Variants in GAS2 observed in about 807,000 individuals in gnomAD.
GAS2 encodes the protein growth arrest-specific protein 2.
GAS2 carries 20 observed loss-of-function variants against 37.5 expected under a neutral mutation model. That is an observed-to-expected ratio of 0.53 (90% confidence interval 0.37 to 0.77). The LOEUF (loss-of-function observed/expected upper bound fraction) is 0.77, where lower values mean the gene tolerates loss of function less well. GAS2 is among the 30% of genes least tolerant of loss of function. GAS2 has a pLI of 0.00. For synonymous variants in GAS2, 144 were observed against 132.2 expected, an observed-to-expected ratio of 1.09 and a Z score of -0.61; for missense variants, 336 against 373.4, an observed-to-expected ratio of 0.90 and a Z score of 0.82.
chr11:22,805,931 C>G (rs1256861821), intron 7 of GAS2, among the ~76,000 whole-genome samples: 2 of 152,068 alleles, frequency 1.3e-5, no homozygotes, highest in Non-Finnish European at 2.9e-5. Flanking sequence ...AGAGGTCACT[C>G]TCATCGCCAG....
chr11:22,764,631 AAAAGT>A (rs1196512145), intron 7 of GAS2, among the ~76,000 whole-genome samples: 2 of 152,082 alleles, frequency 1.3e-5, no homozygotes, highest in African/African-American at 2.4e-5. Flanking sequence ...TACAATAATT[AAAAGT>A]AAAGACAAAA....
At chr11:22,746,148 C>T (rs1853388605) in intron 5 of GAS2, among the ~76,000 whole-genome samples, 1 of 152,106 alleles carries the variant, frequency 6.6e-6, no homozygotes, top group Non-Finnish European at 1.5e-5. Context: ...CACCACTGCA[C>T]ATCAGCCTAG....
At chr11:22,626,575 A>G (rs45522531) in intron 1 of GAS2, 3,305 of 152,808 alleles carry the variant, frequency 0.022, 51 homozygotes, top group Non-Finnish European at 0.034. Flanking sequence ...ACAAGAGAGT[A>G]GGGAGGAGAA....
At chr11:22,715,482 AAG>A (rs1554973661) in intron 3 of GAS2, among the ~76,000 whole-genome samples, 4 of 142,030 alleles carry the variant, frequency 2.8e-5, no homozygotes, top group Non-Finnish European at 4.6e-5. Context: ...AAAAAAAAAA[AAG>A]AAAAGAAAAG....
At chr11:22,782,766 CTT>C (rs34122574) in intron 7 of GAS2, among the ~76,000 whole-genome samples, 5,526 of 113,686 alleles carry the variant, frequency 0.049, 169 homozygotes, top group African/African-American at 0.12. Flanking sequence ...TGATTTTGTT[CTT>C]TTTTTTTTTT....
chr11:22,801,214 T>G (rs1301167507), intron 7 of GAS2, among the ~76,000 whole-genome samples: 1 of 152,088 alleles, frequency 6.6e-6, no homozygotes, highest in African/African-American at 2.4e-5. Flanking sequence ...AACTCCTTTC[T>G]GAAATCCTGT....
chr11:22,626,926 A>G (rs1167690716), intron 1 of GAS2: 1 of 152,154 alleles, frequency 6.6e-6, no homozygotes, highest in Admixed American at 6.5e-5. Context: ...TTATTTTGAA[A>G]CGGAGTCTCA....
intron 7 of GAS2, among the ~76,000 whole-genome samples, chr11:22,794,092 C>A (rs1178126926): frequency 1.4e-5 from 2 of 139,256 alleles, no homozygotes; most frequent in Non-Finnish European, 3.1e-5. Flanking sequence ...AGAATAAGAT[C>A]TTCACAGTAA....
At chr11:22,721,457 TA>T (rs1383632430) in intron 3 of GAS2, among the ~76,000 whole-genome samples, 1 of 152,014 alleles carries the variant, frequency 6.6e-6, no homozygotes, top group Non-Finnish European at 1.5e-5. Flanking sequence ...ACACCCAGGG[TA>T]ACTACTGGAT....
chr11:22,685,105 G>T (rs1849875236), intron 2 of GAS2, among the ~76,000 whole-genome samples: 1 of 152,038 alleles, frequency 6.6e-6, no homozygotes, highest in Admixed American at 6.6e-5. Flanking sequence ...GCTCAAAACT[G>T]CAGTGAGCTA....
intron 1 of GAS2, among the ~76,000 whole-genome samples, chr11:22,641,302 CTTTATATATA>C (rs1240798020): frequency 7.9e-4 from 8 of 10,144 alleles, no homozygotes; most frequent in Admixed American, 1.5e-3. Flanking sequence ...ATATATATAT[CTTTATATATA>C]TTTATATATC....
At chr11:22,801,856 T>C (rs1213409602) in intron 7 of GAS2, among the ~76,000 whole-genome samples, 1 of 152,110 alleles carries the variant, frequency 6.6e-6, no homozygotes, top group Non-Finnish European at 1.5e-5. Flanking sequence ...TATGACTCTA[T>C]GTCATTCAAG....
chr11:22,662,758 G>T (rs928860147), upstream of GAS2, among the ~76,000 whole-genome samples: 1 of 152,110 alleles, frequency 6.6e-6, no homozygotes, highest in African/African-American at 2.4e-5. Flanking sequence ...GGTGGCTCAT[G>T]CCTCTAACCC....
intron 4 of GAS2, among the ~76,000 whole-genome samples, chr11:22,730,348 T>G (rs1192790050): frequency 1.3e-5 from 2 of 151,820 alleles, no homozygotes; most frequent in East Asian, 3.9e-4. Flanking sequence ...GCCTAGATAT[T>G]TATTGACATA....
chr11:22,690,383 G>A (rs1041309599), intron 3 of GAS2, among the ~76,000 whole-genome samples: 2 of 151,964 alleles, frequency 1.3e-5, no homozygotes, highest in African/African-American at 4.8e-5. Flanking sequence ...ACATCAATAG[G>A]TCAATTTAAA....
At chr11:22,650,628 A>G (rs1848762728) in intron 1 of GAS2, among the ~76,000 whole-genome samples, 1 of 149,224 alleles carries the variant, frequency 6.7e-6, no homozygotes, top group African/African-American at 2.5e-5. Flanking sequence ...TATATTTAGG[A>G]TAGTTAGCTC....
upstream of GAS2, among the ~76,000 whole-genome samples, chr11:22,662,337 T>C (rs1441275948): frequency 2.0e-5 from 3 of 152,220 alleles, no homozygotes; most frequent in South Asian, 2.1e-4. Flanking sequence ...TATTTTAACA[T>C]TGCTTTTCTA....
At chr11:22,702,739 C>G (rs1850913154) in intron 3 of GAS2, 1 of 152,076 alleles carries the variant, frequency 6.6e-6, no homozygotes, top group Non-Finnish European at 1.5e-5. Context: ...GGGTATGCTC[C>G]TAATAAGGAC....
At position 22,763,616 on chromosome 11, in the gene GAS2, TACACACACACACACACACACAC is replaced by T. The variant is rs34715661; in HGVS notation, c.723+7686_723+7707del. On this transcript the variant is annotated intron_variant, in intron 7 of 7. Transcript: ENST00000454584. ...AACAATTCATTTAAAAAAATACACA[TACACACACACACACACACACAC>T]ACACACACACACACACACACACGTC... 2.7e-3 allele frequency among the ~76,000 whole-genome samples: 395 copies of T among 143,902 alleles called. 4 individuals carry two copies. The highest frequency in any genetic ancestry group is 9.3e-3 in the African/African-American group (359 of 38,634). The allele number at this position is 143,902 out of a possible 152,430, so 94.4% of individuals were successfully genotyped here. A position where few individuals can be genotyped will look rare whatever the true frequency, so the allele number is the denominator to read the frequency against.
Sources: allele counts gnomAD v4.1 joint callset (sites outside exome capture counted in the v4.1 genomes callset), GRCh38; gene constraint gnomAD v4.1.1; transcripts MANE v1.5; gene names NCBI Gene and HGNC (gene_info 2026-07-23, HGNC 2026-07-21).